Variants in ANGPT2 observed in about 807,000 individuals in gnomAD.
The protein encoded by ANGPT2 is angiopoietin-2.
In ANGPT2, 28 loss-of-function variants were observed where a neutral mutation model predicts 62.9. The observed-to-expected ratio is 0.44, with a 90% CI of 0.33 to 0.61. The LOEUF (loss-of-function observed/expected upper bound fraction) is 0.61, where lower values mean the gene tolerates loss of function less well. Among genes scored for constraint, ANGPT2 ranks in the 20% least tolerant of loss-of-function variants. ANGPT2 has a pLI of 0.03. For synonymous variants in ANGPT2, 284 were observed against 207.8 expected (o/e 1.37, Z -3.15); for missense variants, 727 against 594.9 (o/e 1.22, Z -2.31).
chr8:6,519,635 A>G (rs140688525), intron 5 of ANGPT2, among the ~76,000 whole-genome samples: 2 of 152,322 alleles, frequency 1.3e-5, no homozygotes, highest in East Asian at 3.9e-4. Flanking sequence ...CGAAGATAAG[A>G]TAGACATTTC....
intron 1 of ANGPT2, among the ~76,000 whole-genome samples, chr8:6,555,532 G>A (rs1230678397): frequency 6.6e-6 from 1 of 151,070 alleles, no homozygotes; most frequent in Non-Finnish European, 1.5e-5. Context: ...TGCCATCCTG[G>A]CTCACTGCAG....
At chr8:6,536,549 C>G (rs959642570) in intron 1 of ANGPT2, among the ~76,000 whole-genome samples, 4 of 152,110 alleles carry the variant, frequency 2.6e-5, no homozygotes, top group African/African-American at 9.7e-5. Context: ...TTAAAGATGA[C>G]CAATGCCAAT....
At chr8:6,562,572 G>GTTTTTAAAAACA in intron 1 of ANGPT2, 75 bp downstream of exon 1, 1 of 42,834 alleles carries the variant, frequency 2.3e-5, no homozygotes. Context: ...TTTTTTTTTT[G>GTTTTTAAAAACA]GTTGTTAAAA....
intron 5 of ANGPT2, among the ~76,000 whole-genome samples, chr8:6,517,536 A>G (rs1816496021): frequency 6.6e-6 from 1 of 152,216 alleles, no homozygotes; most frequent in Non-Finnish European, 1.5e-5. Flanking sequence ...CTCAAAGACC[A>G]ATTGAACATT....
chr8:6,505,186 A>G (rs929021651), intron 8 of ANGPT2, among the ~76,000 whole-genome samples: 17 of 143,292 alleles, frequency 1.2e-4, no homozygotes, highest in African/African-American at 3.8e-4. Flanking sequence ...ATATATATAT[A>G]TATATTCTTA....
intron 5 of ANGPT2, 84 bp downstream of exon 5, chr8:6,519,778 GGA>G: frequency 6.7e-7 from 1 of 1,502,878 alleles, no homozygotes. Flanking sequence ...AGATCTTTGG[GGA>G]GAGACTTCTG....
intron 7 of ANGPT2, among the ~76,000 whole-genome samples, chr8:6,509,947 C>T (rs1279105643): frequency 2.0e-5 from 3 of 152,178 alleles, no homozygotes; most frequent in Non-Finnish European, 2.9e-5. Flanking sequence ...CATCGTGCCA[C>T]ATATCACTAG....
At chr8:6,554,139 A>G (rs1165460935) in intron 1 of ANGPT2, among the ~76,000 whole-genome samples, 1 of 149,960 alleles carries the variant, frequency 6.7e-6, no homozygotes, top group African/African-American at 2.5e-5. Flanking sequence ...GATAAGACCC[A>G]TATTAGACTA....
chr8:6,510,204 G>A (rs971372358), intron 7 of ANGPT2, among the ~76,000 whole-genome samples: 2 of 149,694 alleles, frequency 1.3e-5, no homozygotes, highest in East Asian at 2.0e-4. Context: ...AGTTTCTGCT[G>A]CAAAGAAGCT....
At chr8:6,528,055 C>G (rs1361275508) in intron 2 of ANGPT2, among the ~76,000 whole-genome samples, 1 of 134,120 alleles carries the variant, frequency 7.5e-6, no homozygotes, top group African/African-American at 2.7e-5. Flanking sequence ...ACCACCATAC[C>G]CAGCTAATTT....
At chr8:6,504,902 G>T (rs1350434401) in intron 8 of ANGPT2, among the ~76,000 whole-genome samples, 1 of 151,940 alleles carries the variant, frequency 6.6e-6, no homozygotes, top group Admixed American at 6.6e-5. Flanking sequence ...TTCCCCTAAG[G>T]ATAAGGGAGG....
intron 8 of ANGPT2, chr8:6,507,875 G>T (rs1017095223): frequency 6.6e-6 from 1 of 152,042 alleles, no homozygotes. Context: ...GAGCCACCGG[G>T]CCCGGCCAGA....
Position 6,508,923 on chromosome 8 carries a change from C to G in ANGPT2, c.1327+9G>C. The stretch of plus-strand genomic sequence containing the variant: ...CAATACAAATAGGAAGACAGAAAGT[C>G]ATCCCTACCTCCTGTTAGCATTTGT... On this transcript the variant is annotated intron_variant, in intron 8 of 8. Transcript: ENST00000629816. 6.2e-7 allele frequency: 1 copy of G among 1,614,096 alleles called. No individual in the cohort carries two copies.
At position 6,527,594 on chromosome 8, in the gene ANGPT2, T is replaced by C. The variant is rs776171904; in HGVS notation, c.527A>G (p.Asp176Gly). 1.2e-6 allele frequency: 2 copies of C among 1,614,068 alleles called. No homozygotes were observed. The highest frequency in any genetic ancestry group is 4.5e-5 in the East Asian group (2 of 44,872). ...STNKLEKQILDQTSEINKLQD... is the reference protein window; with the variant it reads ...STNKLEKQILGQTSEINKLQD... ...CAATTTGTTTATTTCACTGGTCTGGTCCAAAATCTGTTTTTCCAATTTGTT... is the reference window on the plus strand; with the variant it reads ...CAATTTGTTTATTTCACTGGTCTGGCCCAAAATCTGTTTTTCCAATTTGTT... Residue 176 changes from aspartate to glycine, a missense_variant, in exon 3 of 9, where the codon GAC (aspartate) becomes GGC (glycine). Transcript: ENST00000629816.
intron 1 of ANGPT2, among the ~76,000 whole-genome samples, chr8:6,540,244 G>A (rs566080684): frequency 1.3e-5 from 2 of 151,954 alleles, no homozygotes; most frequent in Admixed American, 6.5e-5. Flanking sequence ...TTACCTCTTT[G>A]TGTGTTTCCC....
chr8:6,562,578 T>TTTTTTTA, intron 1 of ANGPT2, 69 bp downstream of exon 1: 2 of 880,188 alleles, frequency 2.3e-6, no homozygotes, highest in Non-Finnish European at 3.1e-6. Flanking sequence ...TTTTGGTTGT[T>TTTTTTTA]AAAACCTGAG....
At chr8:6,509,796 T>C (rs539175207) in intron 7 of ANGPT2, among the ~76,000 whole-genome samples, 8 of 152,210 alleles carry the variant, frequency 5.3e-5, no homozygotes, top group Non-Finnish European at 8.8e-5. Context: ...TCCTTAAATG[T>C]GCTCGGAACA....
At chr8:6,527,939 G>A (rs190766416) in intron 2 of ANGPT2, among the ~76,000 whole-genome samples, 121 of 141,890 alleles carry the variant, frequency 8.5e-4, no homozygotes, top group African/African-American at 2.8e-3. Context: ...TCCATTGCCC[G>A]GGGTGGAGTG....
At chr8:6,527,755 C>T (rs1391792096) in intron 2 of ANGPT2, 79 bp from the exon 3 acceptor site, 1 of 1,288,740 alleles carries the variant, frequency 7.8e-7, no homozygotes, top group Non-Finnish European at 1.1e-6. Flanking sequence ...ATTAAAGTAC[C>T]CAAGCTACAG....
Sources: allele counts gnomAD v4.1 joint callset (sites outside exome capture counted in the v4.1 genomes callset), GRCh38; gene constraint gnomAD v4.1.1; transcripts MANE v1.5; gene names NCBI Gene and HGNC (gene_info 2026-07-23, HGNC 2026-07-21).